PBX1: variants seen among roughly 807,000 people sequenced by gnomAD.
PBX1 encodes the protein pre-B-cell leukemia transcription factor 1.
In PBX1, 6 loss-of-function variants were observed where a neutral mutation model predicts 53.4. The observed-to-expected ratio is 0.11, with a 90% CI of 0.06 to 0.22. The LOEUF (loss-of-function observed/expected upper bound fraction) is 0.22, where lower values mean the gene tolerates loss of function less well. Among genes scored for constraint, PBX1 ranks in the 10% least tolerant of loss-of-function variants. The pLI is 1.00. For missense variants in PBX1, 251 were observed against 551.4 expected, an observed-to-expected ratio of 0.46 and a Z score of 5.46; for synonymous variants, 204 against 212.3, an observed-to-expected ratio of 0.96 and a Z score of 0.34.
intron 4 of PBX1, 100 bp from the exon 5 acceptor site, chr1:164,807,442 C>A: frequency 6.9e-7 from 1 of 1,442,774 alleles, no homozygotes; most frequent in Non-Finnish European, 9.4e-7. Context: ...TCACCTTTTG[C>A]TCAAAAATTT....
At chr1:164,776,526 G>GTTTT in intron 2 of PBX1, among the ~76,000 whole-genome samples, 1 of 151,860 alleles carries the variant, frequency 6.6e-6, no homozygotes, top group African/African-American at 2.4e-5. Context: ...TCCTTTTTGA[G>GTTTT]TCCTCTTTGT....
chr1:164,853,931 A>T (rs562622692), downstream of PBX1, among the ~76,000 whole-genome samples: 13 of 135,694 alleles, frequency 9.6e-5, no homozygotes, highest in African/African-American at 3.0e-4. Context: ...ATTTATTTTT[A>T]TTTATTTTAT....
At chr1:164,871,524 A>C (rs1890537) in intron 2 of PBX1, among the ~76,000 whole-genome samples, 137,781 of 152,244 alleles carry the variant, frequency 0.91, 63,360 homozygotes, top group East Asian at 1. Flanking sequence ...TACAGATTTC[A>C]TGGCACCTCA....
intron 2 of PBX1, among the ~76,000 whole-genome samples, chr1:164,691,585 G>A (rs1485347682): frequency 2.6e-5 from 4 of 152,166 alleles, no homozygotes; most frequent in Non-Finnish European, 5.9e-5. Flanking sequence ...AGGCTGAAGC[G>A]TCTTCTAGGC....
intron 3 of PBX1, among the ~76,000 whole-genome samples, chr1:164,794,355 C>G (rs1668685396): frequency 6.6e-6 from 1 of 152,098 alleles, no homozygotes; most frequent in Non-Finnish European, 1.5e-5. Context: ...TACTGCACTC[C>G]TATCTACCTT....
intron 2 of PBX1, among the ~76,000 whole-genome samples, chr1:164,751,266 G>C (rs1666197091): frequency 6.9e-6 from 1 of 145,736 alleles, no homozygotes; most frequent in South Asian, 2.2e-4. Context: ...AGTGAGCTGA[G>C]ATCACGCCAC....
At chr1:164,639,905 C>T (rs1030643616) in intron 2 of PBX1, among the ~76,000 whole-genome samples, 2 of 151,970 alleles carry the variant, frequency 1.3e-5, no homozygotes, top group Admixed American at 1.3e-4. Context: ...CTCAAGTGAT[C>T]CTCCTACCTT....
intron 2 of PBX1, among the ~76,000 whole-genome samples, chr1:164,667,050 G>A (rs952421269): frequency 7.9e-5 from 12 of 152,246 alleles, no homozygotes; most frequent in East Asian, 3.9e-4. Flanking sequence ...GCCTGACATC[G>A]TGTCTGTCTT....
intron 2 of PBX1, chr1:164,684,901 C>T (rs1346972192): frequency 1.3e-5 from 2 of 152,142 alleles, no homozygotes; most frequent in African/African-American, 2.4e-5. Flanking sequence ...CCTTATATAA[C>T]GTTTTATGGT....
chr1:164,829,607 C>T, intron 8 of PBX1: 1 of 152,060 alleles, frequency 6.6e-6, no homozygotes, highest in Non-Finnish European at 1.5e-5. Context: ...GGGAACAACA[C>T]ACACTGGGGC....
chr1:164,885,374 G>GA (rs1672754159), intron 2 of PBX1, among the ~76,000 whole-genome samples: 1 of 152,184 alleles, frequency 6.6e-6, no homozygotes, highest in African/African-American at 2.4e-5. Context: ...CTAGCTAGAG[G>GA]AAAAATGCCT....
At chr1:164,730,035 G>A (rs1239092280) in intron 2 of PBX1, among the ~76,000 whole-genome samples, 1 of 152,152 alleles carries the variant, frequency 6.6e-6, no homozygotes, top group East Asian at 1.9e-4. Flanking sequence ...GTAAACAGCA[G>A]AGCCATTTAT....
At chr1:164,771,880 G>C (rs752829688) in intron 2 of PBX1, among the ~76,000 whole-genome samples, 2 of 152,174 alleles carry the variant, frequency 1.3e-5, no homozygotes, top group Non-Finnish European at 2.9e-5. Context: ...GTCTGTCTGA[G>C]ATCGAGATTG....
chr1:164,678,397 C>T (rs1163507879), intron 2 of PBX1, among the ~76,000 whole-genome samples: 1 of 152,154 alleles, frequency 6.6e-6, no homozygotes, highest in African/African-American at 2.4e-5. Flanking sequence ...ATTTATGATG[C>T]TTTCAGATTA....
At chr1:164,739,143 C>T (rs1410300366) in intron 2 of PBX1, among the ~76,000 whole-genome samples, 5 of 152,114 alleles carry the variant, frequency 3.3e-5, no homozygotes, top group African/African-American at 1.2e-4. Flanking sequence ...CAGAAAACTA[C>T]CACTCTCTCA....
intron 2 of PBX1, among the ~76,000 whole-genome samples, chr1:164,869,119 A>T (rs1169983711): frequency 6.6e-6 from 1 of 152,210 alleles, no homozygotes; most frequent in Non-Finnish European, 1.5e-5. Flanking sequence ...TCAGCCCAGG[A>T]CTTTCCATGC....
intron 2 of PBX1, chr1:164,684,601 A>T (rs1661988475): frequency 6.6e-6 from 1 of 152,222 alleles, no homozygotes; most frequent in African/African-American, 2.4e-5. Flanking sequence ...CTAGATTCAT[A>T]GACCCAAATG....
At chr1:164,788,537 A>C (rs1255866254) in intron 2 of PBX1, among the ~76,000 whole-genome samples, 1 of 152,032 alleles carries the variant, frequency 6.6e-6, no homozygotes, top group African/African-American at 2.4e-5. Flanking sequence ...TGTCCCCTCC[A>C]AGCATTACAG....
chr1:164,594,728 G>C (rs547986355), intron 2 of PBX1, among the ~76,000 whole-genome samples: 133 of 152,274 alleles, frequency 8.7e-4, no homozygotes, highest in Non-Finnish European at 1.2e-3. Flanking sequence ...ACATAAAAAT[G>C]TTAATGAGAT....
Sources: allele counts gnomAD v4.1 joint callset (sites outside exome capture counted in the v4.1 genomes callset), GRCh38; gene constraint gnomAD v4.1.1; transcripts MANE v1.5; gene names NCBI Gene and HGNC (gene_info 2026-07-23, HGNC 2026-07-21).